KAT14: variants seen among roughly 807,000 people sequenced by gnomAD.
The protein encoded by KAT14 is cysteine-rich protein 2-binding protein.
In KAT14, 66 loss-of-function variants were observed where a neutral mutation model predicts 78.4. That is an observed-to-expected ratio of 0.84 (90% CI 0.69 to 1.03). The LOEUF (loss-of-function observed/expected upper bound fraction) is 1.03. KAT14 is among the 50% of genes least tolerant of loss of function. The pLI is 0.00. For missense variants in KAT14, 870 were observed against 972.5 expected, an observed-to-expected ratio of 0.89 and a Z score of 1.40; for synonymous variants, 344 against 359.4, an observed-to-expected ratio of 0.96 and a Z score of 0.48.
chr20:18,180,916 G>C (rs1049871032), intron 7 of KAT14, among the ~76,000 whole-genome samples: 2 of 152,186 alleles, frequency 1.3e-5, no homozygotes, highest in Non-Finnish European at 2.9e-5. Context: ...GGAACACAGA[G>C]CCAAACCATA....
chr20:18,182,397 C>T (rs765458234), intron 8 of KAT14, among the ~76,000 whole-genome samples: 5 of 152,208 alleles, frequency 3.3e-5, no homozygotes, highest in Non-Finnish European at 5.9e-5. Context: ...GCTGGGATTA[C>T]AGGCGTGAGC....
At chr20:18,143,776 C>A (rs981587306) in intron 2 of KAT14, among the ~76,000 whole-genome samples, 3 of 151,616 alleles carry the variant, frequency 2.0e-5, no homozygotes, top group African/African-American at 7.3e-5. Context: ...TACAGGCATG[C>A]GCCACCATGC....
At chr20:18,182,855 C>G (rs2039310937) in intron 8 of KAT14, among the ~76,000 whole-genome samples, 1 of 152,174 alleles carries the variant, frequency 6.6e-6, no homozygotes, top group African/African-American at 2.4e-5. Flanking sequence ...TGGGGTGAAT[C>G]TGATGCTGTA....
At chr20:18,151,992 G>A (rs564816713) in intron 4 of KAT14, among the ~76,000 whole-genome samples, 13 of 138,768 alleles carry the variant, frequency 9.4e-5, no homozygotes, top group Admixed American at 2.3e-4. Context: ...AACAGAGTGA[G>A]ACTCCATCTC....
Position 18,187,487 on chromosome 20 carries a change from T to C in KAT14, c.*28T>C, listed in dbSNP as rs773161367. The C allele has an allele frequency of 6.2e-6, 10 of 1,613,012 alleles. No homozygotes were observed. The South Asian group carries it at 9.9e-5, about 16-fold the overall frequency. ...CGAATACAGCTCACAGAGAAACGCA[T>C]GTGCTATTGGAGAACAGGTCTTTGT... On this transcript the variant is annotated 3_prime_UTR_variant, in exon 11 of 11. Transcript: ENST00000688188.
intron 1 of KAT14, among the ~76,000 whole-genome samples, chr20:18,138,705 T>C (rs778531815): frequency 6.6e-6 from 1 of 152,214 alleles, no homozygotes; most frequent in Admixed American, 6.5e-5. Flanking sequence ...ATTTTTTTTT[T>C]TGGTACTTTT....
chr20:18,157,991 G>A (rs1054456111), intron 4 of KAT14, among the ~76,000 whole-genome samples: 2 of 152,152 alleles, frequency 1.3e-5, no homozygotes, highest in African/African-American at 4.8e-5. Context: ...GGGCTGGAGT[G>A]CAATGGTGCA....
At chr20:18,182,042 C>T (rs1259260467) in intron 8 of KAT14, among the ~76,000 whole-genome samples, 196 bp downstream of exon 8, 2 of 152,086 alleles carry the variant, frequency 1.3e-5, no homozygotes, top group Admixed American at 1.3e-4. Context: ...AGAACATGGT[C>T]CTTTGAAAGA....
intron 5 of KAT14, among the ~76,000 whole-genome samples, chr20:18,160,056 G>T (rs950414579): frequency 2.6e-5 from 4 of 152,116 alleles, no homozygotes; most frequent in African/African-American, 9.7e-5. Context: ...ATGCCACCAT[G>T]CCCAGCTAAT....
At chr20:18,173,564 A>G (rs1460846827) in intron 7 of KAT14, among the ~76,000 whole-genome samples, 1 of 151,432 alleles carries the variant, frequency 6.6e-6, no homozygotes, top group Non-Finnish European at 1.5e-5. Flanking sequence ...TTCTTTAAAT[A>G]TGTTCCTCCT....
In KAT14 at chr20:18,142,735, A is replaced by C. The variant is rs1221024567; in HGVS notation, c.75A>C (p.Glu25Asp). The C allele has an allele frequency of 6.2e-7, 1 of 1,614,104 alleles. No individual in the cohort carries two copies. The highest frequency in any genetic ancestry group is 1.1e-5 in the South Asian group (1 of 91,084). Reference sequence around the variant, plus strand: ...AAGCCACGAGAACATCGACCTCAGAAGGACTGGAGGAAGGTGAAGTGGAGG... The same window carrying C: ...AAGCCACGAGAACATCGACCTCAGACGGACTGGAGGAAGGTGAAGTGGAGG... ...DDEATRTSTS[E>D]GLEEGEVEGE... The change falls in exon 2 of 11, where the codon GAA becomes GAC. Residue 25 changes from glutamate to aspartate, a missense_variant. Transcript: ENST00000688188.
rs764287975 is a variant in KAT14, at chr20:18,142,358, C to T, written c.-303C>T. On this transcript the variant is annotated 5_prime_UTR_variant, in exon 2 of 11. Coordinates refer to ENST00000688188, the MANE Select transcript of KAT14 (RefSeq NM_001392073.1). ...GGCAAAAGGATCTCAAAAATCATGA[C>T]TTGAATGTGAAATATCTGTTGGACA... 3.8e-5 allele frequency: 59 copies of T among 1,535,644 alleles called. 2 individuals carry two copies. In the South Asian group the frequency reaches 3.9e-4, roughly 10 times the overall value.
Position 18,161,863 on chromosome 20 carries a change from A to T in KAT14, c.723A>T (p.Gly241=), listed in dbSNP as rs757276429. ...PTLDPIITVE[G]LRKRASRNPV... The stretch of plus-strand genomic sequence containing the variant: ...TAGATCCCATCATTACTGTTGAGGG[A>T]CTTAGAAAACGAGCAAGTCGGAATC... Residue 241 remains glycine (G), a synonymous_variant, in exon 6 of 11, where the codon GGA becomes GGT. Transcript: ENST00000688188. 7.4e-6 allele frequency: 12 copies of T among 1,614,048 alleles called. No individual in the cohort carries two copies. In the South Asian group the frequency reaches 8.8e-5, roughly 12 times the overall value.
intron 4 of KAT14, among the ~76,000 whole-genome samples, chr20:18,154,381 CG>C (rs1290869775): frequency 6.6e-6 from 1 of 152,136 alleles, no homozygotes; most frequent in Non-Finnish European, 1.5e-5. Flanking sequence ...GGCGTGATCT[CG>C]GCTCACTGCA....
intron 10 of KAT14, among the ~76,000 whole-genome samples, chr20:18,185,592 A>G (rs2039425844): frequency 6.6e-6 from 1 of 152,230 alleles, no homozygotes. Flanking sequence ...GTATTGAATT[A>G]TAATTCATCC....
intron 10 of KAT14, among the ~76,000 whole-genome samples, chr20:18,185,750 G>GAT (rs1189553555): frequency 6.6e-6 from 1 of 152,142 alleles, no homozygotes; most frequent in East Asian, 1.9e-4. Context: ...ATGCAGGCAA[G>GAT]ATTCCTTTTA....
chr20:18,164,584 CT>C (rs1407731353), intron 7 of KAT14, among the ~76,000 whole-genome samples: 1 of 147,896 alleles, frequency 6.8e-6, no homozygotes, highest in African/African-American at 2.5e-5. Flanking sequence ...TGTTCATATG[CT>C]TTTGTTAGTC....
At chr20:18,171,906 C>T (rs2038857794) in intron 7 of KAT14, among the ~76,000 whole-genome samples, 1 of 152,176 alleles carries the variant, frequency 6.6e-6, no homozygotes, top group African/African-American at 2.4e-5. Flanking sequence ...CCATCCCAAC[C>T]TTCAGCAGCC....
chr20:18,180,622 A>C lies in KAT14; in HGVS notation c.1669-1088A>C, dbSNP rs2039212909. 2.6e-5 allele frequency among the ~76,000 whole-genome samples: 4 copies of C among 152,012 alleles called. No individual in the cohort carries two copies. In the South Asian group the frequency reaches 8.3e-4, roughly 32 times the overall value. ...AAGACATACCCAAGACTGGGAAGAA[A>C]AGGAGGTTTAATTGGACTTACAGTT... On this transcript the variant is annotated intron_variant, in intron 7 of 10. Transcript: ENST00000688188.
Sources: allele counts gnomAD v4.1 joint callset (sites outside exome capture counted in the v4.1 genomes callset), GRCh38; gene constraint gnomAD v4.1.1; transcripts MANE v1.5; gene names NCBI Gene and HGNC (gene_info 2026-07-23, HGNC 2026-07-21).